Variants in ANKRD12 observed in about 807,000 individuals in gnomAD.
ANKRD12 encodes ankyrin repeat domain-containing protein 12.
In ANKRD12, 85 loss-of-function variants were observed where a neutral mutation model predicts 183.4. The ratio of observed to expected loss-of-function variants is 0.46; its 90% CI spans 0.39 to 0.56. The LOEUF is 0.56. ANKRD12 is among the 20% of genes least tolerant of loss of function. The pLI is 0.00. For missense variants in ANKRD12, 2,405 were observed against 2,357.1 expected (o/e 1.02, Z -0.42); for synonymous variants, 914 against 800.2 (o/e 1.14, Z -2.40).
chr18:9,281,938 A>G lies in ANKRD12; in HGVS notation c.*812A>G, dbSNP rs1184901564. 1.3e-5 allele frequency: 2 copies of G among 152,608 alleles called. No homozygotes were observed. Among genetic ancestry groups the G allele is most frequent in the East Asian group, 3.8e-4 (2 of 5,202 alleles). The allele number at this position is 152,608 out of a possible 1,614,324, so 9.5% of individuals were successfully genotyped here. On this transcript the variant is annotated 3_prime_UTR_variant, in exon 13 of 13. Transcript: ENST00000262126. ...TTAACTCTCCATAATTGATGCCTGC[A>G]GTAGTGTAAGGCATTTCATACTAGT...
chr18:9,154,777 T>C (rs72935266), intron 1 of ANKRD12, among the ~76,000 whole-genome samples: 11,173 of 152,260 alleles, frequency 0.073, 427 homozygotes, highest in African/African-American at 0.082. Flanking sequence ...TCAGCATTTC[T>C]GAATTTCTGG....
At chr18:9,207,886 C>T (rs967422788) in intron 4 of ANKRD12, among the ~76,000 whole-genome samples, 1 of 152,138 alleles carries the variant, frequency 6.6e-6, no homozygotes, top group Admixed American at 6.5e-5. Context: ...ACATCTGTAT[C>T]TCTTGCTTAT....
At chr18:9,159,016 A>G (rs1348583109) in intron 1 of ANKRD12, among the ~76,000 whole-genome samples, 1 of 151,988 alleles carries the variant, frequency 6.6e-6, no homozygotes, top group Non-Finnish European at 1.5e-5. Flanking sequence ...TTGACATATC[A>G]CTATTATTTA....
rs1030010467 is a variant in ANKRD12, at chr18:9,262,592, T to C, written c.5665-1198T>C. ...CTCCCATCTCAGCCTCCTGAGTTGC[T>C]GAGGCTACAGGCAGACACCACCACA... On this transcript the variant is annotated intron_variant, in intron 9 of 12. Transcript: ENST00000262126. Among the ~76,000 whole-genome samples, 19 of 152,026 alleles carry C rather than the reference T, an allele frequency of 1.2e-4. 1 individual carries two copies. Among genetic ancestry groups the C allele is most frequent in the Non-Finnish European group, 5.9e-5 (4 of 67,996 alleles).
chr18:9,261,820 A>G (rs1488583916), intron 9 of ANKRD12, among the ~76,000 whole-genome samples: 4 of 152,124 alleles, frequency 2.6e-5, no homozygotes, highest in Non-Finnish European at 5.9e-5. Flanking sequence ...TTTAAGATGC[A>G]GGTCAGGTAT....
chr18:9,265,204 G>A (rs531795393), intron 10 of ANKRD12, among the ~76,000 whole-genome samples: 1 of 152,368 alleles, frequency 6.6e-6, no homozygotes, highest in South Asian at 2.1e-4. Flanking sequence ...TGGGAGCAGG[G>A]CACAGCCAAA....
rs2038544989 is a variant in ANKRD12 at position 9,255,402 on chromosome 18, A to G, written c.2135A>G (p.Asn712Ser). 1 of 1,587,756 alleles carries G rather than the reference A, an allele frequency of 6.3e-7. No individual in the cohort carries two copies. The highest frequency in any genetic ancestry group is 8.5e-7 in the Non-Finnish European group (1 of 1,172,526). Reference protein sequence around the residue: ...KSDETEDLFLNMEHESLTLEK... With the variant: ...KSDETEDLFLSMEHESLTLEK... ...GATGAAACTGAAGATCTCTTTTTAA[A>G]TATGGAACATGAATCCTTAACATTA... The change falls in exon 9 of 13, where the codon AAT (asparagine) becomes AGT (serine). Residue 712 changes from asparagine to serine, a missense_variant. Asn to Ser is a conservative substitution (Grantham distance 46). This residue lies in a region of ANKRD12 where 1,983 missense variants were observed against 1,725.9 expected (regional missense o/e 1.15). Coordinates refer to ENST00000262126, the MANE Select transcript of ANKRD12 (RefSeq NM_015208.5).
chr18:9,168,555 C>G (rs1032755832), intron 1 of ANKRD12, among the ~76,000 whole-genome samples: 1 of 152,084 alleles, frequency 6.6e-6, no homozygotes, highest in South Asian at 2.1e-4. Context: ...TCTGTGGGAT[C>G]GGTGGTGGTA....
chr18:9,172,033 A>AG (rs1455810778), intron 1 of ANKRD12, among the ~76,000 whole-genome samples: 1 of 151,590 alleles, frequency 6.6e-6, no homozygotes, highest in Non-Finnish European at 1.5e-5. Context: ...CTCAAAAAAA[A>AG]AAAAAAACGA....
Position 9,255,722 on chromosome 18 carries a change from A to C in ANKRD12, c.2455A>C (p.Lys819Gln), listed in dbSNP as rs375517919. Residue 819 changes from lysine to glutamine, a missense_variant, in exon 9 of 13, where the codon AAA becomes CAA. Lys to Gln is a moderately conservative substitution (Grantham distance 53). Around this residue, in one of 7 missense-constraint regions of ANKRD12, gnomAD observed 1,983 missense variants for 1,725.9 expected, o/e 1.15. Transcript: ENST00000262126. The stretch of plus-strand genomic sequence containing the variant: ...ACAAGAAAAGCATATAAAGGAAAGT[A>C]AAGAAAAACCTGAGAAGCGATCTCA... ...EKQEKHIKES[K>Q]EKPEKRSQIK... 1.0e-5 allele frequency: 16 copies of C among 1,596,232 alleles called. No homozygotes were observed. In the South Asian group the frequency reaches 1.7e-4, roughly 17 times the overall value.
At chr18:9,270,131 G>T (rs1355630194) in intron 10 of ANKRD12, among the ~76,000 whole-genome samples, 2 of 152,226 alleles carry the variant, frequency 1.3e-5, no homozygotes, top group Non-Finnish European at 2.9e-5. Flanking sequence ...TGGAGAGAAT[G>T]TGGAGAAATA....
intron 8 of ANKRD12, among the ~76,000 whole-genome samples, chr18:9,252,721 T>C (rs1194662551): frequency 6.6e-6 from 1 of 152,160 alleles, no homozygotes; most frequent in African/African-American, 2.4e-5. Flanking sequence ...TCCCAGCACT[T>C]TGGGAGGCCA....
chr18:9,196,433 T>A (rs2034828782), intron 3 of ANKRD12, among the ~76,000 whole-genome samples: 1 of 152,206 alleles, frequency 6.6e-6, no homozygotes, highest in Non-Finnish European at 1.5e-5. Context: ...GTATTTACTG[T>A]AGTTTTAGTC....
At position 9,258,566 on chromosome 18, in the gene ANKRD12, C is replaced by G. The variant is rs139017810; in HGVS notation, c.5299C>G (p.Pro1767Ala). Residue 1767 changes from proline to alanine, a missense_variant, in exon 9 of 13, where the codon CCT (proline) becomes GCT (alanine). Pro to Ala is a conservative substitution (Grantham distance 27). Around this residue, in one of 7 missense-constraint regions of ANKRD12, gnomAD observed 1,983 missense variants for 1,725.9 expected, o/e 1.15. Transcript: ENST00000262126. ...AGAAAAAGACAGTGAATCCTCATCT[C>G]CTAGAGGAAGAATAAGATTAACTGA... Reference protein sequence around the residue: ...LSEKDSESSSPRGRIRLTEDD... With the variant: ...LSEKDSESSSARGRIRLTEDD... 2 of 1,613,740 alleles carry G rather than the reference C, an allele frequency of 1.2e-6. No homozygotes were observed. Among genetic ancestry groups the G allele is most frequent in the Non-Finnish European group, 1.7e-6 (2 of 1,179,868 alleles).
intron 3 of ANKRD12, among the ~76,000 whole-genome samples, chr18:9,196,223 C>CACATAT (rs199953345): frequency 1.9e-5 from 1 of 52,486 alleles, no homozygotes; most frequent in African/African-American, 6.6e-5. Context: ...CACACACACA[C>CACATAT]TGAGGCTAAC....
intron 1 of ANKRD12, among the ~76,000 whole-genome samples, chr18:9,161,990 G>A (rs2031489228): frequency 6.6e-6 from 1 of 152,006 alleles, no homozygotes; most frequent in Admixed American, 6.6e-5. Flanking sequence ...AGCCTCCTGA[G>A]TAGCTGTGAC....
chr18:9,233,000 C>T (rs1484735316), intron 8 of ANKRD12, among the ~76,000 whole-genome samples: 1 of 151,954 alleles, frequency 6.6e-6, no homozygotes. Flanking sequence ...CTGGTGTGCA[C>T]CACCACGCCT....
At chr18:9,218,277 C>G (rs1249874641) in intron 7 of ANKRD12, among the ~76,000 whole-genome samples, 1 of 152,194 alleles carries the variant, frequency 6.6e-6, no homozygotes, top group Non-Finnish European at 1.5e-5. Context: ...TTTCCAGTCT[C>G]TTCCCAGAGG....
At chr18:9,152,298 A>C (rs1449085580) in intron 1 of ANKRD12, among the ~76,000 whole-genome samples, 1 of 152,264 alleles carries the variant, frequency 6.6e-6, no homozygotes, top group Non-Finnish European at 1.5e-5. Flanking sequence ...TAGGGAAAAT[A>C]AAAAGATACC....
Sources: gnomAD v4.1 joint callset for allele counts (sites outside exome capture counted in the v4.1 genomes callset) on GRCh38, gnomAD v4.1.1 for gene constraint, gnomAD v4.1.1 regional missense constraint, MANE v1.5 for transcripts, NCBI Gene and HGNC (gene_info 2026-07-23, HGNC 2026-07-21) for gene names.